C8orf34: variants seen among roughly 807,000 people sequenced by gnomAD.
C8orf34 encodes the protein chromosome 8 open reading frame 34.
C8orf34 carries 65 observed loss-of-function variants against 68.3 expected under a neutral mutation model. The ratio of observed to expected loss-of-function variants is 0.95; its 90% CI spans 0.78 to 1.17. The LOEUF (loss-of-function observed/expected upper bound fraction) is 1.17. Among genes scored for constraint, C8orf34 ranks in the 50% most tolerant of loss-of-function variants. C8orf34 has a pLI of 0.00. For missense variants in C8orf34, 664 were observed against 655.4 expected (o/e 1.01, Z -0.14); for synonymous variants, 244 against 241.2 (o/e 1.01, Z -0.11).
chr8:68,694,352 G>A (rs1378708113), intron 8 of C8orf34, among the ~76,000 whole-genome samples: 1 of 152,086 alleles, frequency 6.6e-6, no homozygotes, highest in Non-Finnish European at 1.5e-5. Context: ...TTGAAAAAGA[G>A]TGTTTGCTTT....
chr8:68,725,072 G>T (rs1821788290), intron 10 of C8orf34, among the ~76,000 whole-genome samples: 1 of 152,054 alleles, frequency 6.6e-6, no homozygotes, highest in Non-Finnish European at 1.5e-5. Context: ...TAGCTATGTT[G>T]CCCAGGCTGC....
In C8orf34 at chr8:68,508,082, CT is replaced by C. The variant is rs1204839820; in HGVS notation, c.766-13716del. On this transcript the variant is annotated intron_variant, in intron 5 of 13. Transcript: ENST00000518698. ...TATATATTAATCTTAAACTATTTGT[CT>C]GGAAAGACCAGAGATAAGAAACTCA... Among the ~76,000 whole-genome samples the C allele has an allele frequency of 7.2e-5, 11 of 152,276 alleles. No individual in the cohort carries two copies. In the East Asian group the frequency reaches 1.7e-3, roughly 24 times the overall value.
At chr8:68,546,535 A>AGATG (rs1815889016) in intron 7 of C8orf34, among the ~76,000 whole-genome samples, 1 of 151,930 alleles carries the variant, frequency 6.6e-6, no homozygotes, top group African/African-American at 2.4e-5. Flanking sequence ...GGGATATCAT[A>AGATG]GATGGATATT....
At chr8:68,776,627 T>A (rs1192756773) in intron 11 of C8orf34, among the ~76,000 whole-genome samples, 178 bp downstream of exon 11, 2 of 152,158 alleles carry the variant, frequency 1.3e-5, no homozygotes. Flanking sequence ...TTGGTCCTCA[T>A]TGGGAGAAAG....
intron 7 of C8orf34, among the ~76,000 whole-genome samples, chr8:68,544,668 T>A (rs1815812224): frequency 6.6e-6 from 1 of 151,622 alleles, no homozygotes; most frequent in South Asian, 2.1e-4. Flanking sequence ...ACATAAGGAG[T>A]AAATAGATGG....
At chr8:68,339,962 A>G (rs1400242910) in intron 1 of C8orf34, among the ~76,000 whole-genome samples, 2 of 152,072 alleles carry the variant, frequency 1.3e-5, no homozygotes, top group African/African-American at 4.8e-5. Flanking sequence ...CAATAAATAA[A>G]CAACATAATT....
Position 68,600,970 on chromosome 8 carries a change from G to A in C8orf34, c.1106-39406G>A, listed in dbSNP as rs140500386. Among the ~76,000 whole-genome samples, 734 of 152,156 alleles carry A rather than the reference G, an allele frequency of 4.8e-3. 9 individuals are homozygous for A. Among genetic ancestry groups the A allele is most frequent in the African/African-American group, 0.016 (681 of 41,540 alleles). On this transcript the variant is annotated intron_variant, in intron 7 of 13. Transcript: ENST00000518698. ...TCATCATTCTACTGTCTATCTTCACGAGATTAACTTTTTTAGCTCCCACAT... is the reference window on the plus strand; with the variant it reads ...TCATCATTCTACTGTCTATCTTCACAAGATTAACTTTTTTAGCTCCCACAT...
At chr8:68,792,546 T>C (rs1230086507) in intron 12 of C8orf34, 2 of 110,988 alleles carry the variant, frequency 1.8e-5, no homozygotes, top group Non-Finnish European at 3.3e-5. Flanking sequence ...CACTCCAGCC[T>C]GGGTGACAGA....
chr8:68,562,240 A>C (rs925873518), intron 7 of C8orf34, among the ~76,000 whole-genome samples: 1 of 152,136 alleles, frequency 6.6e-6, no homozygotes, highest in Non-Finnish European at 1.5e-5. Context: ...TCTTCATTAT[A>C]ATCTTATGAG....
chr8:68,783,377 G>C (rs1161491371), intron 11 of C8orf34, among the ~76,000 whole-genome samples: 2 of 152,072 alleles, frequency 1.3e-5, no homozygotes, highest in African/African-American at 4.8e-5. Context: ...AATTATCTGA[G>C]CATGGAGGCG....
At chr8:68,580,305 G>A (rs568918659) in intron 7 of C8orf34, among the ~76,000 whole-genome samples, 13 of 152,094 alleles carry the variant, frequency 8.5e-5, no homozygotes. Context: ...AAGGGGCAGG[G>A]GTGAAGGAGA....
chr8:68,431,323 A>C (rs1321374166), intron 1 of C8orf34, among the ~76,000 whole-genome samples: 2 of 152,172 alleles, frequency 1.3e-5, no homozygotes, highest in Non-Finnish European at 2.9e-5. Flanking sequence ...AGTAATTTTT[A>C]TTGAACTGAA....
intron 1 of C8orf34, among the ~76,000 whole-genome samples, chr8:68,376,993 G>A (rs914208470): frequency 6.6e-6 from 1 of 152,162 alleles, no homozygotes; most frequent in Non-Finnish European, 1.5e-5. Flanking sequence ...ACGGATGCAG[G>A]AAATACACTG....
chr8:68,652,121 T>A (rs1230478919), intron 8 of C8orf34, among the ~76,000 whole-genome samples: 1 of 152,170 alleles, frequency 6.6e-6, no homozygotes, highest in African/African-American at 2.4e-5. Context: ...AAATACATCC[T>A]TAAGCAAGAT....
At chr8:68,414,614 C>T (rs1809585854) in intron 1 of C8orf34, among the ~76,000 whole-genome samples, 1 of 54,730 alleles carries the variant, frequency 1.8e-5, no homozygotes, top group Admixed American at 1.7e-4. Context: ...AGACATGCTT[C>T]CTGACCTCAA....
chr8:68,521,614 C>T (rs1419647201), intron 5 of C8orf34, among the ~76,000 whole-genome samples, 185 bp from the exon 6 acceptor site: 1 of 152,116 alleles, frequency 6.6e-6, no homozygotes, highest in South Asian at 2.1e-4. Context: ...ATCACAGTGA[C>T]CTTAGGAATT....
chr8:68,564,055 A>ATATATATATATATATATATATATAAG (rs1816512822), intron 7 of C8orf34, among the ~76,000 whole-genome samples: 5 of 152,222 alleles, frequency 3.3e-5, no homozygotes, highest in African/African-American at 1.2e-4. Flanking sequence ...ATATAACTAT[A>ATATATATATATATATATATATATAAG]GAGTCTGCAT....
chr8:68,619,994 T>C (rs189772670), intron 7 of C8orf34, among the ~76,000 whole-genome samples: 1 of 152,146 alleles, frequency 6.6e-6, no homozygotes, highest in Admixed American at 6.5e-5. Context: ...GGATTAGAAG[T>C]GAAGAGGAAG....
chr8:68,584,679 A>C lies in C8orf34; in HGVS notation c.1105+51530A>C, dbSNP rs369560076. On this transcript the variant is annotated intron_variant, in intron 7 of 13. Transcript: ENST00000518698. ...AACAAAATTGTCCAGAAATCTGGAAAGAGAAACATTGTTTAAAACATGGCT... is the reference window on the plus strand; with the variant it reads ...AACAAAATTGTCCAGAAATCTGGAACGAGAAACATTGTTTAAAACATGGCT... Among the ~76,000 whole-genome samples the C allele has an allele frequency of 2.0e-5, 3 of 152,200 alleles. No individual in the cohort carries two copies. In the East Asian group the frequency reaches 5.8e-4, roughly 29 times the overall value.
Sources: allele counts gnomAD v4.1 joint callset (sites outside exome capture counted in the v4.1 genomes callset), GRCh38; gene constraint gnomAD v4.1.1; transcripts MANE v1.5; gene names NCBI Gene and HGNC (gene_info 2026-07-23, HGNC 2026-07-21).